Variants in RANBP10 observed in about 807,000 individuals in gnomAD.
RANBP10 encodes RAN binding protein 10.
Under a neutral mutation model 72.8 loss-of-function variants are expected in RANBP10, and 24 were observed. The ratio of observed to expected loss-of-function variants is 0.33; its 90% confidence interval spans 0.24 to 0.46. RANBP10 has a LOEUF of 0.46. Ranked by LOEUF, RANBP10 falls within the 20% of genes least tolerant of loss-of-function variation. RANBP10 has a pLI of 1.00. For missense variants in RANBP10, 679 were observed against 817.5 expected (o/e 0.83, Z 2.07); for synonymous variants, 310 against 322.3 (o/e 0.96, Z 0.41).
chr16:67,753,841 A>T (rs2054239224), intron 3 of RANBP10, among the ~76,000 whole-genome samples: 2 of 152,134 alleles, frequency 1.3e-5, no homozygotes, highest in Admixed American at 1.3e-4. Context: ...ACCATTTATC[A>T]AGAGAAAAGG....
intron 2 of RANBP10, among the ~76,000 whole-genome samples, chr16:67,802,345 T>C (rs2055249583): frequency 1.3e-5 from 2 of 152,180 alleles, no homozygotes; most frequent in Non-Finnish European, 2.9e-5. Flanking sequence ...TTTCTAAAAC[T>C]GATGTTTCCT....
chr16:67,741,979 T>G (rs938485623), intron 4 of RANBP10, among the ~76,000 whole-genome samples: 40 of 152,196 alleles, frequency 2.6e-4, no homozygotes, highest in African/African-American at 8.7e-4. Flanking sequence ...AATCTAAAAA[T>G]GCAGGGGACA....
At chr16:67,758,151 AG>A (rs1455113678) in intron 3 of RANBP10, among the ~76,000 whole-genome samples, 3 of 152,184 alleles carry the variant, frequency 2.0e-5, no homozygotes, top group African/African-American at 7.2e-5. Flanking sequence ...GGAACGGCCC[AG>A]GGGGGCCAGG....
intron 5 of RANBP10, among the ~76,000 whole-genome samples, chr16:67,737,295 G>A (rs528806230): frequency 6.7e-6 from 1 of 149,122 alleles, no homozygotes; most frequent in African/African-American, 2.5e-5. Context: ...CTGCCTCCCG[G>A]GTTCAGGCCA....
chr16:67,736,977 C>A (rs2053859835), intron 5 of RANBP10, among the ~76,000 whole-genome samples: 1 of 152,300 alleles, frequency 6.6e-6, no homozygotes, highest in East Asian at 1.9e-4. Flanking sequence ...CCTTCCAGAA[C>A]CTAACCAGAA....
intron 4 of RANBP10, among the ~76,000 whole-genome samples, chr16:67,743,290 G>A (rs558232924): frequency 2.0e-5 from 3 of 152,350 alleles, no homozygotes; most frequent in Admixed American, 2.0e-4. Flanking sequence ...AGAGCTGCTG[G>A]CAGCTGGGCT....
At chr16:67,740,320 G>A (rs1267736293) in intron 4 of RANBP10, among the ~76,000 whole-genome samples, 1 of 151,940 alleles carries the variant, frequency 6.6e-6, no homozygotes, top group Non-Finnish European at 1.5e-5. Flanking sequence ...TTAGCCAGAT[G>A]GTCTCGATCT....
In RANBP10 at chr16:67,726,396, G is replaced by C. The variant is rs1437704411; in HGVS notation, c.*32C>G. The C allele has an allele frequency of 6.2e-7, 1 of 1,610,404 alleles. No individual in the cohort carries two copies. The highest frequency in any genetic ancestry group is 8.5e-7 in the Non-Finnish European group (1 of 1,178,866). ...GGCAGCTCCAGCCCTGGGGCCAGTG[G>C]AGGGCCAGCCAGAGCCAGCCAGCAC... On this transcript the variant is annotated 3_prime_UTR_variant, in exon 14 of 14. Coordinates refer to ENST00000317506, the MANE Select transcript of RANBP10 (RefSeq NM_020850.3).
chr16:67,772,215 C>G, intron 2 of RANBP10, 129 bp from the exon 3 acceptor site: 1 of 952,354 alleles, frequency 1.1e-6, no homozygotes, highest in Non-Finnish European at 1.5e-6. Flanking sequence ...GCTCTTATAA[C>G]ATACTAATGG....
chr16:67,764,257 G>T (rs948876200), intron 3 of RANBP10, among the ~76,000 whole-genome samples: 2 of 152,228 alleles, frequency 1.3e-5, no homozygotes, highest in East Asian at 3.9e-4. Flanking sequence ...CCTCTCTTCC[G>T]AGGGCTCATA....
chr16:67,737,192 CTTTTTTTT>C (rs71145979), intron 5 of RANBP10, among the ~76,000 whole-genome samples: 9 of 75,980 alleles, frequency 1.2e-4, no homozygotes, highest in East Asian at 7.0e-4. Flanking sequence ...CCATCCTTTT[CTTTTTTTT>C]TTTTTTTTTT....
intron 2 of RANBP10, among the ~76,000 whole-genome samples, chr16:67,789,740 G>C (rs969591037): frequency 6.6e-6 from 1 of 151,544 alleles, no homozygotes; most frequent in African/African-American, 2.4e-5. Flanking sequence ...CAAAGTGCTG[G>C]GATTACAGGC....
intron 4 of RANBP10, among the ~76,000 whole-genome samples, chr16:67,740,760 G>A (rs2053953440): frequency 6.6e-6 from 1 of 152,178 alleles, no homozygotes. Flanking sequence ...TATATTCTTT[G>A]TTCGGCTATT....
chr16:67,766,480 T>A (rs2054504087), intron 3 of RANBP10, among the ~76,000 whole-genome samples: 1 of 152,156 alleles, frequency 6.6e-6, no homozygotes, highest in Admixed American at 6.5e-5. Flanking sequence ...TCCTCATGAA[T>A]GGCTTGGTGC....
At chr16:67,788,926 G>T (rs751915914) in intron 2 of RANBP10, among the ~76,000 whole-genome samples, 1 of 150,936 alleles carries the variant, frequency 6.6e-6, no homozygotes, top group African/African-American at 2.5e-5. Context: ...CTTGAACCGA[G>T]GTGGAGGCTG....
intron 2 of RANBP10, among the ~76,000 whole-genome samples, chr16:67,776,958 T>C (rs555630549): frequency 6.6e-6 from 1 of 151,936 alleles, no homozygotes; most frequent in African/African-American, 2.4e-5. Context: ...ACGCCTGTAA[T>C]CCTAGCACTT....
intron 2 of RANBP10, among the ~76,000 whole-genome samples, chr16:67,805,001 C>G (rs1392428780): frequency 3.3e-5 from 5 of 152,112 alleles, no homozygotes; most frequent in Non-Finnish European, 7.3e-5. Flanking sequence ...ATGAATGCTG[C>G]AAAGACTCTA....
intron 3 of RANBP10, among the ~76,000 whole-genome samples, chr16:67,746,727 G>C (rs567547719): frequency 6.6e-6 from 1 of 152,272 alleles, no homozygotes; most frequent in African/African-American, 2.4e-5. Flanking sequence ...ACACTAATCT[G>C]ATGTGTTCCT....
At chr16:67,754,594 G>T (rs1374762063) in intron 3 of RANBP10, among the ~76,000 whole-genome samples, 1 of 152,180 alleles carries the variant, frequency 6.6e-6, no homozygotes, top group African/African-American at 2.4e-5. Flanking sequence ...CTACACTGCC[G>T]TCTTGAGAAA....
Sources: gnomAD v4.1 joint callset for allele counts (sites outside exome capture counted in the v4.1 genomes callset) on GRCh38, gnomAD v4.1.1 for gene constraint, MANE v1.5 for transcripts, NCBI Gene and HGNC (gene_info 2026-07-23, HGNC 2026-07-21) for gene names.